Variants in WDR70 observed in about 807,000 individuals in gnomAD.
WDR70 encodes WD repeat-containing protein 70.
Under a neutral mutation model 88.6 loss-of-function variants are expected in WDR70, and 53 were observed. The ratio of observed to expected loss-of-function variants is 0.60; its 90% CI spans 0.48 to 0.75. WDR70 has a LOEUF of 0.75. Ranked by LOEUF, WDR70 falls within the 30% of genes least tolerant of loss-of-function variation. WDR70 has a pLI of 0.00. For synonymous variants in WDR70, 280 were observed against 270.0 expected (o/e 1.04, Z -0.36); for missense variants, 610 against 823.2 (o/e 0.74, Z 3.17).
intron 9 of WDR70, among the ~76,000 whole-genome samples, chr5:37,544,116 T>G (rs146910525): frequency 8.3e-4 from 126 of 152,282 alleles, no homozygotes; most frequent in African/African-American, 2.8e-3. Context: ...TATTTTAAGT[T>G]TCTGCCTATT....
At chr5:37,558,760 AG>A (rs1742393322) in intron 9 of WDR70, among the ~76,000 whole-genome samples, 2 of 152,126 alleles carry the variant, frequency 1.3e-5, no homozygotes, top group African/African-American at 4.8e-5. Flanking sequence ...ATTCCTCTAT[AG>A]GGAAAGCAGG....
At chr5:37,435,981 T>C (rs888005489) in intron 5 of WDR70, among the ~76,000 whole-genome samples, 2 of 151,452 alleles carry the variant, frequency 1.3e-5, no homozygotes, top group African/African-American at 2.4e-5. Context: ...AAGGGGGTGG[T>C]GGTGGGGGAG....
intron 17 of WDR70, among the ~76,000 whole-genome samples, chr5:37,736,805 C>A (rs1382646609): frequency 6.6e-6 from 1 of 151,804 alleles, no homozygotes; most frequent in Non-Finnish European, 1.5e-5. Flanking sequence ...TGGAAAACAA[C>A]AAATTATTCT....
rs1248112826 is a variant in WDR70, at chr5:37,678,612, G to A, written c.1093-19043G>A. ...CTGCCGAGAGATCCGCTGTTAGTCT[G>A]ATGGGCTTCCCTTTGTGGGTAACCC... On this transcript the variant is annotated intron_variant, in intron 10 of 17. Coordinates refer to ENST00000265107, the MANE Select transcript of WDR70 (RefSeq NM_018034.4). 5.3e-5 allele frequency among the ~76,000 whole-genome samples: 8 copies of A among 152,336 alleles called. No individual in the cohort carries two copies. In the East Asian group the frequency reaches 9.6e-4, roughly 18 times the overall value.
Position 37,417,993 on chromosome 5 carries a change from C to T in WDR70, c.493-19929C>T, listed in dbSNP as rs142412813. Among the ~76,000 whole-genome samples, 496 of 152,260 alleles carry T rather than the reference C, an allele frequency of 3.3e-3. 2 individuals are homozygous for T. The highest frequency in any genetic ancestry group is 0.011 in the African/African-American group (475 of 41,546). On this transcript the variant is annotated intron_variant, in intron 5 of 17. Transcript: ENST00000265107. ...AATGATGTTAAAGAAGTTCTCCACTCCACCCAAAGCATTGTAAAGTGAGGA... is the reference window on the plus strand; with the variant it reads ...AATGATGTTAAAGAAGTTCTCCACTTCACCCAAAGCATTGTAAAGTGAGGA...
intron 9 of WDR70, among the ~76,000 whole-genome samples, chr5:37,604,765 A>C (rs1743982070): frequency 6.6e-6 from 1 of 152,202 alleles, no homozygotes; most frequent in Non-Finnish European, 1.5e-5. Flanking sequence ...AAGTCAGAAT[A>C]ATTTGGAGGC....
At chr5:37,630,101 T>G (rs974447657) in intron 10 of WDR70, among the ~76,000 whole-genome samples, 5 of 152,232 alleles carry the variant, frequency 3.3e-5, no homozygotes, top group African/African-American at 1.2e-4. Context: ...GTGACAGTAG[T>G]GCAGCTTTGC....
chr5:37,650,341 C>T (rs1369479688), intron 10 of WDR70, among the ~76,000 whole-genome samples: 4 of 151,802 alleles, frequency 2.6e-5, no homozygotes, highest in African/African-American at 9.7e-5. Flanking sequence ...GCAGAGCTTG[C>T]AGTTAGCCGA....
rs540479050 is a variant in WDR70 at position 37,533,594 on chromosome 5, A to T, written c.917+17004A>T. 4.6e-5 allele frequency among the ~76,000 whole-genome samples: 7 copies of T among 151,668 alleles called. No homozygotes were observed. The East Asian group carries it at 1.4e-3, about 30-fold the overall frequency. ...GAGATTTTGACCTTTGTCTTTGGTT[A>T]CCTGGGCAAGTAGAGAAAAACCACC... On this transcript the variant is annotated intron_variant, in intron 9 of 17. Transcript: ENST00000265107.
At chr5:37,666,506 G>C (rs1745848008) in intron 10 of WDR70, among the ~76,000 whole-genome samples, 1 of 152,118 alleles carries the variant, frequency 6.6e-6, no homozygotes, top group Admixed American at 6.5e-5. Flanking sequence ...GTCTAGCAAC[G>C]GATGATAATT....
chr5:37,690,553 T>C (rs1037264769), intron 10 of WDR70, among the ~76,000 whole-genome samples: 1 of 152,186 alleles, frequency 6.6e-6, no homozygotes, highest in Admixed American at 6.5e-5. Context: ...GGGGCCAATA[T>C]TCAACATTCT....
chr5:37,490,813 G>A (rs1740043965), intron 8 of WDR70, among the ~76,000 whole-genome samples: 1 of 152,118 alleles, frequency 6.6e-6, no homozygotes, highest in Non-Finnish European at 1.5e-5. Flanking sequence ...CAGTGTACTG[G>A]ATGCTGTGTG....
chr5:37,738,897 T>C (rs964977445), intron 17 of WDR70, among the ~76,000 whole-genome samples: 2 of 152,258 alleles, frequency 1.3e-5, no homozygotes, highest in Non-Finnish European at 2.9e-5. Flanking sequence ...GAAATCATAT[T>C]AACTATTAGC....
chr5:37,662,841 G>C (rs1745737762), intron 10 of WDR70, among the ~76,000 whole-genome samples: 1 of 152,140 alleles, frequency 6.6e-6, no homozygotes, highest in Non-Finnish European at 1.5e-5. Context: ...GTTAATGATT[G>C]TTTTTATGGT....
intron 7 of WDR70, 121 bp from the exon 8 acceptor site, chr5:37,479,713 T>C: frequency 8.4e-7 from 1 of 1,192,868 alleles, no homozygotes; most frequent in East Asian, 2.4e-5. Flanking sequence ...ATGTTCCTGA[T>C]TTTGTGGAAT....
chr5:37,594,760 C>A (rs1454601158), intron 9 of WDR70, among the ~76,000 whole-genome samples: 1 of 152,120 alleles, frequency 6.6e-6, no homozygotes, highest in Non-Finnish European at 1.5e-5. Context: ...GTTGATTATT[C>A]CTATCCATGA....
intron 8 of WDR70, among the ~76,000 whole-genome samples, chr5:37,510,919 T>C (rs1268762094): frequency 2.0e-5 from 3 of 152,314 alleles, no homozygotes; most frequent in Admixed American, 6.5e-5. Flanking sequence ...AGAAATGATA[T>C]GGTGTCCTCC....
rs886779490 is a variant in WDR70, at chr5:37,616,999, C to T, written c.1092+11761C>T. ...TATTTGCATCAGTAGTATTTTTAGCCGATTCTTTTCCAATAACTAGATTTT... is the reference window on the plus strand; with the variant it reads ...TATTTGCATCAGTAGTATTTTTAGCTGATTCTTTTCCAATAACTAGATTTT... On this transcript the variant is annotated intron_variant, in intron 10 of 17. Transcript: ENST00000265107. 5.9e-5 allele frequency among the ~76,000 whole-genome samples: 9 copies of T among 152,178 alleles called. 1 individual carries two copies. The highest frequency in any genetic ancestry group is 1.3e-4 in the Admixed American group (2 of 15,276).
chr5:37,559,058 C>T (rs965324794), intron 9 of WDR70, among the ~76,000 whole-genome samples: 4 of 151,934 alleles, frequency 2.6e-5, no homozygotes, highest in African/African-American at 4.8e-5. Flanking sequence ...CTCAGCCTCC[C>T]GAGGAGCTGG....
Sources: gnomAD v4.1 joint callset for allele counts (sites outside exome capture counted in the v4.1 genomes callset) on GRCh38, gnomAD v4.1.1 for gene constraint, MANE v1.5 for transcripts, NCBI Gene and HGNC (gene_info 2026-07-23, HGNC 2026-07-21) for gene names.